The following MACROH2A1 variants were observed in gnomAD, a reference collection of about 807,000 sequenced individuals.
MACROH2A1 encodes the protein macroH2A.1 histone, also known as core histone macro-H2A.1.
Under a neutral mutation model 31.6 loss-of-function variants are expected in MACROH2A1, and 2 were observed. The ratio of observed to expected loss-of-function variants is 0.06; its 90% confidence interval spans 0.03 to 0.20. The LOEUF is 0.20. MACROH2A1 is among the 10% of genes least tolerant of loss of function. The probability of loss-of-function intolerance (pLI) is 1.00; values close to 1 mark genes in which losing one functional copy is unlikely to be tolerated. For missense variants in MACROH2A1, 230 were observed against 474.0 expected (o/e 0.49, Z 4.78); for synonymous variants, 169 against 189.6 (o/e 0.89, Z 0.89).
At chr5:135,390,283 T>C (rs1258694160) in intron 1 of MACROH2A1, among the ~76,000 whole-genome samples, 1 of 152,210 alleles carries the variant, frequency 6.6e-6, no homozygotes, top group Non-Finnish European at 1.5e-5. Flanking sequence ...ACAGCATTGA[T>C]GCACGTGTGC....
chr5:135,384,915 C>T (rs755841661), intron 2 of MACROH2A1, among the ~76,000 whole-genome samples: 2 of 152,188 alleles, frequency 1.3e-5, no homozygotes, highest in Non-Finnish European at 2.9e-5. Context: ...TCTAAACCAC[C>T]CAGCTCTAGA....
intron 5 of MACROH2A1, chr5:135,357,649 T>A: frequency 1.1e-5 from 8 of 703,518 alleles, no homozygotes; most frequent in Non-Finnish European, 1.4e-5. Flanking sequence ...AAATGTTTTT[T>A]CTGAAAATTT....
At chr5:135,367,240 G>T (rs1165676392) in intron 4 of MACROH2A1, among the ~76,000 whole-genome samples, 1 of 152,164 alleles carries the variant, frequency 6.6e-6, no homozygotes, top group East Asian at 1.9e-4. Flanking sequence ...TTAAACAAAT[G>T]TTTTGAAAAT....
intron 2 of MACROH2A1, among the ~76,000 whole-genome samples, chr5:135,386,932 T>C (rs762378895): frequency 1.8e-3 from 277 of 152,336 alleles, no homozygotes; most frequent in Non-Finnish European, 1.9e-3. Flanking sequence ...AGGGGCTGCC[T>C]GGGTTTGTGT....
chr5:135,342,694 C>T (rs1178065391), intron 8 of MACROH2A1, among the ~76,000 whole-genome samples: 2 of 152,184 alleles, frequency 1.3e-5, no homozygotes, highest in Non-Finnish European at 2.9e-5. Flanking sequence ...ATTCCCCATT[C>T]CGTTCCACCA....
chr5:135,366,667 A>T (rs578154339), intron 4 of MACROH2A1, among the ~76,000 whole-genome samples: 1 of 152,254 alleles, frequency 6.6e-6, no homozygotes, highest in African/African-American at 2.4e-5. Flanking sequence ...GAAAGGAGAC[A>T]TAAAAACTCA....
chr5:135,396,192 T>A (rs1224905535), intron 1 of MACROH2A1, among the ~76,000 whole-genome samples: 1 of 152,232 alleles, frequency 6.6e-6, no homozygotes, highest in Non-Finnish European at 1.5e-5. Flanking sequence ...TTTTAAAGGT[T>A]GTGCCAAACT....
rs563300863 is a variant in MACROH2A1 at position 135,381,141 on chromosome 5, C to T, written c.172+7781G>A. On this transcript the variant is annotated intron_variant, in intron 2 of 8. Transcript: ENST00000511689. The stretch of plus-strand genomic sequence containing the variant: ...ATCACCAGGAAAAAGATGAAATATT[C>T]AATTGTGTTTGGATAACTGGATAAC... Among the ~76,000 whole-genome samples the T allele has an allele frequency of 5.9e-5, 9 of 152,256 alleles. No homozygotes were observed. The East Asian group carries it at 1.7e-3, about 29-fold the overall frequency.
At chr5:135,362,348 A>G (rs1762943449) in intron 4 of MACROH2A1, 1 of 152,228 alleles carries the variant, frequency 6.6e-6, no homozygotes, top group Non-Finnish European at 1.5e-5. Flanking sequence ...TCTCTGTACT[A>G]TCTTTGTAAC....
At chr5:135,357,200 A>C (rs1438423274) in intron 5 of MACROH2A1, 4 of 152,182 alleles carry the variant, frequency 2.6e-5, no homozygotes, top group Non-Finnish European at 5.9e-5. Flanking sequence ...AGCTAGAAAG[A>C]GCCCCACAAA....
chr5:135,339,672 T>C (rs1410771612), intron 8 of MACROH2A1, among the ~76,000 whole-genome samples: 2 of 152,212 alleles, frequency 1.3e-5, no homozygotes, highest in Non-Finnish European at 2.9e-5. Context: ...CACTGTGCTG[T>C]GGGCTGCTCT....
intron 2 of MACROH2A1, among the ~76,000 whole-genome samples, chr5:135,374,664 G>A (rs946540045): frequency 6.6e-6 from 1 of 152,340 alleles, no homozygotes; most frequent in Admixed American, 6.5e-5. Context: ...AAGGTTTTGT[G>A]AGTCTCTGTT....
rs1561668501 is a variant in MACROH2A1 at position 135,389,136 on chromosome 5, C to T, written c.-33-10G>A. On this transcript the variant is annotated splice_polypyrimidine_tract_variant and intron_variant, in intron 1 of 8. Transcript: ENST00000511689. ...CGGATCAGTGAGCACACTGTGAAGG[C>T]GAGAGGCACACCGGTCAGGGTGGCT... The T allele has an allele frequency of 1.9e-6, 3 of 1,584,484 alleles. No homozygotes were observed. Among genetic ancestry groups the T allele is most frequent in the East Asian group, 4.5e-5 (2 of 44,398 alleles).
intron 4 of MACROH2A1, among the ~76,000 whole-genome samples, chr5:135,364,337 T>C (rs1763224325): frequency 6.6e-6 from 1 of 151,984 alleles, no homozygotes; most frequent in African/African-American, 2.4e-5. Context: ...CATGTATACA[T>C]ACGTAACACA....
intron 1 of MACROH2A1, among the ~76,000 whole-genome samples, chr5:135,396,978 T>C (rs948203842): frequency 1.3e-5 from 2 of 152,082 alleles, no homozygotes; most frequent in African/African-American, 4.8e-5. Context: ...CACAGAGATC[T>C]GGGCCCCAAT....
intron 6 of MACROH2A1, among the ~76,000 whole-genome samples, chr5:135,349,523 T>C (rs768069658): frequency 6.6e-6 from 1 of 152,094 alleles, no homozygotes; most frequent in Non-Finnish European, 1.5e-5. Flanking sequence ...GGAGAGTGAT[T>C]AGTCCAAATT....
intron 8 of MACROH2A1, among the ~76,000 whole-genome samples, chr5:135,342,161 G>A (rs1162943008): frequency 6.6e-6 from 1 of 152,224 alleles, no homozygotes; most frequent in African/African-American, 2.4e-5. Context: ...TGGTAGGGAG[G>A]ACCCTAGCAA....
intron 7 of MACROH2A1, 177 bp downstream of exon 7, chr5:135,345,791 A>G: frequency 1.8e-6 from 1 of 559,532 alleles, no homozygotes; most frequent in Non-Finnish European, 3.2e-6. Context: ...TGATTTTCCC[A>G]GACAACCTGC....
At chr5:135,393,574 G>A (rs1020946555) in intron 1 of MACROH2A1, among the ~76,000 whole-genome samples, 2 of 152,192 alleles carry the variant, frequency 1.3e-5, no homozygotes, top group African/African-American at 4.8e-5. Context: ...CCTCTGCAGG[G>A]CAGTGAAGCT....
Sources: gnomAD v4.1 joint callset for allele counts (sites outside exome capture counted in the v4.1 genomes callset) on GRCh38, gnomAD v4.1.1 for gene constraint, MANE v1.5 for transcripts, NCBI Gene and HGNC (gene_info 2026-07-23, HGNC 2026-07-21) for gene names.